MGAT5B: variants seen among roughly 807,000 people sequenced by gnomAD.
MGAT5B encodes N-acetylglucosaminyl-transferase Vb.
In MGAT5B, 54 loss-of-function variants were observed where a neutral mutation model predicts 95.1. The observed-to-expected ratio is 0.57, with a 90% confidence interval of 0.46 to 0.71. MGAT5B has a LOEUF of 0.71. MGAT5B is among the 30% of genes least tolerant of loss of function. The pLI, the probability that MGAT5B is intolerant of heterozygous loss-of-function variation, is 0.00. For synonymous variants in MGAT5B, 464 were observed against 451.0 expected (o/e 1.03, Z -0.36); for missense variants, 935 against 1,088.6 (o/e 0.86, Z 1.99).
Position 76,903,352 on chromosome 17 carries a change from C to T in MGAT5B, c.495C>T (p.Phe165=). ...GTGAGGCACCCAGTGACCCCAAGTT[C>T]CCTGACTGCTCAGGGAAGGTGGAGG... ...DQCEAPSDPK[F]PDCSGKVEWM... is the part of the protein sequence containing the mutation. Residue 165 remains phenylalanine (F), a synonymous_variant, in exon 5 of 18, where the codon TTC becomes TTT. Transcript: ENST00000569840. 1.2e-6 allele frequency: 2 copies of T among 1,611,342 alleles called. No individual in the cohort carries two copies. The highest frequency in any genetic ancestry group is 1.7e-6 in the Non-Finnish European group (2 of 1,178,740).
At chr17:76,931,994 G>A (rs1969492401) in intron 10 of MGAT5B, among the ~76,000 whole-genome samples, 1 of 151,952 alleles carries the variant, frequency 6.6e-6, no homozygotes, top group East Asian at 1.9e-4. Flanking sequence ...TGCTACTGCT[G>A]GTGGTGCTTC....
In MGAT5B at chr17:76,912,897, T is replaced by A. The variant is rs1308473595; in HGVS notation, c.1025+6710T>A. Among the ~76,000 whole-genome samples, 1 of 152,000 alleles carries A rather than the reference T, an allele frequency of 6.6e-6. No individual in the cohort carries two copies. Among genetic ancestry groups the A allele is most frequent in the African/African-American group, 2.4e-5 (1 of 41,356 alleles). On this transcript the variant is annotated intron_variant, in intron 8 of 17. Coordinates refer to ENST00000569840, the MANE Select transcript of MGAT5B (RefSeq NM_001199172.2). This position sits in a 1 kb window ranked among gnomAD's most constrained non-coding sequence, Gnocchi z 5.0. ...TGCATGTGCAGGTCCAGGGTGGGCG[T>A]TTTAAAGTTAAGCCTTTCCCTTCCT...
chr17:76,943,626 G>A (rs546591299), intron 15 of MGAT5B, among the ~76,000 whole-genome samples: 1 of 129,156 alleles, frequency 7.7e-6, no homozygotes, highest in Non-Finnish European at 1.7e-5. Flanking sequence ...GGTGGGGTGG[G>A]GGGGGGGTCT....
intron 16 of MGAT5B, 91 bp from the exon 17 acceptor site, chr17:76,947,739 C>G (rs542661085): frequency 2.7e-6 from 4 of 1,458,970 alleles, no homozygotes; most frequent in African/African-American, 2.9e-5. Context: ...AGTGGTGGCT[C>G]GTACTGGCAC....
At position 76,948,791 on chromosome 17, in the gene MGAT5B, C is replaced by T. The variant is rs747278990; in HGVS notation, c.2332C>T (p.Arg778Cys). Reference sequence around the variant, plus strand: ...CAAGTACCGCCGGCTCTGCCCCTGCCGCGACTTCCGCAAGGGCCAGGTGGC... The same window carrying T: ...CAAGTACCGCCGGCTCTGCCCCTGCTGCGACTTCCGCAAGGGCCAGGTGGC... ...NTKYRRLCPC[R>C]DFRKGQVALC... Residue 778 changes from arginine to cysteine, a missense_variant, in exon 18 of 18, where the codon CGC (arginine) becomes TGC (cysteine). By Grantham distance (180) the Arg-to-Cys change is radical. Around this residue, in one of 4 missense-constraint regions of MGAT5B, gnomAD observed 440 missense variants for 523.6 expected, o/e 0.84. Coordinates refer to ENST00000569840, the MANE Select transcript of MGAT5B (RefSeq NM_001199172.2). 6.2e-6 allele frequency: 10 copies of T among 1,608,538 alleles called. No individual in the cohort carries two copies. The highest frequency in any genetic ancestry group is 2.2e-5 in the East Asian group (1 of 44,722).
In MGAT5B at chr17:76,874,169, A is replaced by G. The variant is rs77243638; in HGVS notation, c.181+1206A>G. On this transcript the variant is annotated intron_variant, in intron 2 of 17. Transcript: ENST00000569840. ...AGATTCCTCAATCTCTGAGCCTCCA[A>G]ATTTTCCTCTGGTAAATGGGGATGG... Among the ~76,000 whole-genome samples, 913 of 152,048 alleles carry G rather than the reference A, an allele frequency of 6.0e-3. 10 individuals carry two copies. Among genetic ancestry groups the G allele is most frequent in the African/African-American group, 0.021 (876 of 41,464 alleles).
intron 10 of MGAT5B, among the ~76,000 whole-genome samples, chr17:76,928,740 G>A (rs1969393240): frequency 6.6e-6 from 1 of 151,992 alleles, no homozygotes; most frequent in African/African-American, 2.4e-5. Context: ...AGAAAAAAAG[G>A]AAGGGAAGCA....
chr17:76,934,121 G>C (rs1598990193), intron 12 of MGAT5B, among the ~76,000 whole-genome samples: 2 of 152,200 alleles, frequency 1.3e-5, no homozygotes, highest in South Asian at 4.1e-4. Context: ...GAGGAGAGAA[G>C]GAGGACTCAG....
At position 76,868,682 on chromosome 17, in the gene MGAT5B, C is replaced by A; in HGVS notation, c.-348C>A. The A allele has an allele frequency of 6.6e-6, 1 of 151,178 alleles. No individual in the cohort carries two copies. The highest frequency in any genetic ancestry group is 1.5e-5 in the Non-Finnish European group (1 of 68,152). The allele number at this position is 151,178 out of a possible 1,614,324, so 9.4% of individuals were successfully genotyped here. A position where few individuals can be genotyped will look rare whatever the true frequency, so the allele number is the denominator to read the frequency against. On this transcript the variant is annotated 5_prime_UTR_variant, in exon 1 of 18. Transcript: ENST00000569840. The surrounding 1 kb of genome is among the most constrained non-coding windows in gnomAD (Gnocchi z 6.3). ...ATGAGGGCGCCCGCCGCGGGGAGCCCGTCTGCGCGCCGCGGCACCTTCCCG... is the reference window on the plus strand; with the variant it reads ...ATGAGGGCGCCCGCCGCGGGGAGCCAGTCTGCGCGCCGCGGCACCTTCCCG...
At chr17:76,927,547 G>C (rs1056231984) in intron 10 of MGAT5B, among the ~76,000 whole-genome samples, 3 of 152,164 alleles carry the variant, frequency 2.0e-5, no homozygotes, top group African/African-American at 7.2e-5. Context: ...GGTTTCAGCT[G>C]TTTTTAATGA....
chr17:76,876,326 G>T (rs1285096807), intron 2 of MGAT5B, among the ~76,000 whole-genome samples: 2 of 152,058 alleles, frequency 1.3e-5, no homozygotes, highest in African/African-American at 2.4e-5. Flanking sequence ...GCCTGGGGAG[G>T]GATCTTGGAA....
chr17:76,871,369 C>T (rs57015713), intron 1 of MGAT5B, among the ~76,000 whole-genome samples: 18,313 of 152,128 alleles, frequency 0.12, 1,360 homozygotes, highest in East Asian at 0.36. Flanking sequence ...GTCCCTTGCG[C>T]GGTCTTGCCT....
At chr17:76,926,416 G>A (rs1405940129) in intron 9 of MGAT5B, among the ~76,000 whole-genome samples, 181 bp from the exon 10 acceptor site, 1 of 152,186 alleles carries the variant, frequency 6.6e-6, no homozygotes, top group Non-Finnish European at 1.5e-5. Context: ...GCAGCACAGA[G>A]AGGTGAAGAC....
rs1340812468 is a variant in MGAT5B at position 76,916,947 on chromosome 17, G to T, written c.1026-8019G>T. ...CCCGCCTCTTAGAAACTGGGGCCAG[G>T]GCTGGTCTGGGGCTTTTTATTCTGG... is the stretch of plus-strand genomic sequence containing the variant. On this transcript the variant is annotated intron_variant, in intron 8 of 17. Coordinates refer to ENST00000569840, the MANE Select transcript of MGAT5B (RefSeq NM_001199172.2). The surrounding 1 kb of genome is among the most constrained non-coding windows in gnomAD (Gnocchi z 5.3). Among the ~76,000 whole-genome samples, 1 of 152,162 alleles carries T rather than the reference G, an allele frequency of 6.6e-6. No individual in the cohort carries two copies. Among genetic ancestry groups the T allele is most frequent in the Non-Finnish European group, 1.5e-5 (1 of 68,030 alleles).
chr17:76,928,929 G>A (rs369477152), intron 10 of MGAT5B, among the ~76,000 whole-genome samples: 1 of 151,146 alleles, frequency 6.6e-6, no homozygotes, highest in African/African-American at 2.4e-5. Context: ...GCAGTGGCGC[G>A]ACCTCGGCTC....
chr17:76,891,776 C>T (rs910239079), intron 3 of MGAT5B, among the ~76,000 whole-genome samples: 3 of 152,222 alleles, frequency 2.0e-5, no homozygotes, highest in Admixed American at 6.5e-5. Context: ...TACTCCTTCA[C>T]GCAGCCCTCC....
intron 3 of MGAT5B, among the ~76,000 whole-genome samples, chr17:76,885,215 A>T (rs1267160074): frequency 1.3e-5 from 2 of 151,918 alleles, no homozygotes; most frequent in African/African-American, 4.8e-5. Flanking sequence ...GTGTGCATGG[A>T]TCCTTCTTCT....
intron 16 of MGAT5B, among the ~76,000 whole-genome samples, chr17:76,947,549 A>G (rs1970069823): frequency 6.6e-6 from 1 of 152,180 alleles, no homozygotes; most frequent in African/African-American, 2.4e-5. Context: ...TCCAGGGCAC[A>G]CAGGATGCAG....
At position 76,918,096 on chromosome 17, in the gene MGAT5B, A is replaced by G. The variant is rs570455641; in HGVS notation, c.1026-6870A>G. On this transcript the variant is annotated intron_variant, in intron 8 of 17. Transcript: ENST00000569840. The surrounding 1 kb of genome is among the most constrained non-coding windows in gnomAD (Gnocchi z 5.1). ...TGCTTGCTAGGAAAGAACGCTGGGGAAGAAAGTGCCAGCTTTGGACGCCAG... is the reference window on the plus strand; with the variant it reads ...TGCTTGCTAGGAAAGAACGCTGGGGGAGAAAGTGCCAGCTTTGGACGCCAG... Among the ~76,000 whole-genome samples, 16 of 152,268 alleles carry G rather than the reference A, an allele frequency of 1.1e-4. No homozygotes were observed. Among genetic ancestry groups the G allele is most frequent in the Admixed American group, 3.3e-4 (5 of 15,306 alleles).
Sources: allele counts gnomAD v4.1 joint callset (sites outside exome capture counted in the v4.1 genomes callset), GRCh38; gene constraint gnomAD v4.1.1; regional missense constraint gnomAD v4.1.1; non-coding constraint Gnocchi (gnomAD v3.1); transcripts MANE v1.5; gene names NCBI Gene and HGNC (gene_info 2026-07-23, HGNC 2026-07-21).